The following NFKB1 variants were observed in gnomAD, a reference collection of about 807,000 sequenced individuals.
The protein encoded by NFKB1 is nuclear factor NF-kappa-B p105 subunit.
Under a neutral mutation model 105.1 loss-of-function variants are expected in NFKB1, and 9 were observed. The ratio of observed to expected loss-of-function variants is 0.09; its 90% CI spans 0.05 to 0.15. The LOEUF is 0.15. Among genes scored for constraint, NFKB1 ranks in the 10% least tolerant of loss-of-function variants. NFKB1 has a pLI of 1.00. For synonymous variants in NFKB1, 440 were observed against 442.2 expected, an observed-to-expected ratio of 1.00 and a Z score of 0.06; for missense variants, 830 against 1,203.7, an observed-to-expected ratio of 0.69 and a Z score of 4.59.
chr4:102,520,238 G>A (rs1311175876), intron 1 of NFKB1, among the ~76,000 whole-genome samples: 4 of 152,222 alleles, frequency 2.6e-5, no homozygotes, highest in African/African-American at 7.2e-5. Context: ...GTACCCATAA[G>A]TGTAGAATGG....
At chr4:102,547,898 A>G (rs1172751413) in intron 5 of NFKB1, among the ~76,000 whole-genome samples, 1 of 152,162 alleles carries the variant, frequency 6.6e-6, no homozygotes, top group Non-Finnish European at 1.5e-5. Flanking sequence ...GTAACACATG[A>G]TTTCTTATGA....
intron 1 of NFKB1, among the ~76,000 whole-genome samples, chr4:102,522,775 G>A (rs28673338): frequency 9.2e-5 from 14 of 152,104 alleles, no homozygotes; most frequent in Non-Finnish European, 1.8e-4. Flanking sequence ...GAAAGCTTAA[G>A]GGCAAAGATG....
intron 5 of NFKB1, among the ~76,000 whole-genome samples, chr4:102,539,757 T>C (rs1053795703): frequency 1.3e-5 from 2 of 152,184 alleles, no homozygotes; most frequent in Non-Finnish European, 2.9e-5. Flanking sequence ...TTATAATAAC[T>C]GGCCTTTCTC....
chr4:102,576,754 T>G (rs1724853112), intron 6 of NFKB1, 122 bp from the exon 7 acceptor site: 10 of 1,037,530 alleles, frequency 9.6e-6, no homozygotes, highest in Non-Finnish European at 1.3e-5. Context: ...CCCAAGAGAT[T>G]TGTATAAAGC....
chr4:102,599,117 G>T (rs1436152695), intron 15 of NFKB1, among the ~76,000 whole-genome samples: 1 of 152,196 alleles, frequency 6.6e-6, no homozygotes, highest in South Asian at 2.1e-4. Context: ...ATTCCCATAA[G>T]GGTGTGAGGA....
chr4:102,612,794 C>T (rs999965797), intron 22 of NFKB1, among the ~76,000 whole-genome samples, 188 bp downstream of exon 22: 2 of 152,174 alleles, frequency 1.3e-5, no homozygotes, highest in African/African-American at 4.8e-5. Context: ...TTTTCAGATA[C>T]CTTCAGATTT....
rs180776552 is a variant in NFKB1 at position 102,569,139 on chromosome 4, A to G, written c.407+2004A>G. Among the ~76,000 whole-genome samples the G allele has an allele frequency of 8.2e-4, 125 of 152,142 alleles. 1 individual carries two copies. Among genetic ancestry groups the G allele is most frequent in the African/African-American group, 2.8e-3 (116 of 41,514 alleles). On this transcript the variant is annotated intron_variant, in intron 6 of 23. Transcript: ENST00000226574. ...TTTCTTTCATAATTCATTTGTTTCT[A>G]TCTCTCTCTATATATACATTTTTAA...
intron 1 of NFKB1, among the ~76,000 whole-genome samples, chr4:102,506,582 T>C (rs1739430355): frequency 6.6e-6 from 1 of 152,244 alleles, no homozygotes; most frequent in African/African-American, 2.4e-5. Flanking sequence ...TTTTTAAAAG[T>C]TGGCCTTGAA....
intron 23 of NFKB1, 77 bp from the exon 24 acceptor site, chr4:102,616,357 G>A: frequency 6.6e-7 from 1 of 1,507,274 alleles, no homozygotes; most frequent in Admixed American, 1.7e-5. Flanking sequence ...CAGTGGGCAA[G>A]AGTTGTCCAC....
intron 6 of NFKB1, 118 bp from the exon 7 acceptor site, chr4:102,576,758 A>T (rs1372269800): frequency 9.3e-6 from 10 of 1,077,210 alleles, no homozygotes; most frequent in Non-Finnish European, 1.3e-5. Context: ...AGAGATTTGT[A>T]TAAAGCATTG....
intron 4 of NFKB1, among the ~76,000 whole-genome samples, chr4:102,534,764 A>G (rs1741534651): frequency 6.6e-6 from 1 of 152,154 alleles, no homozygotes; most frequent in Non-Finnish European, 1.5e-5. Context: ...TACCCAATAC[A>G]TTTTCTAAGT....
At position 102,508,137 on chromosome 4, in the gene NFKB1, A is replaced by G. The variant is rs1318443375; in HGVS notation, c.-8+6349A>G. 2.6e-5 allele frequency among the ~76,000 whole-genome samples: 4 copies of G among 152,228 alleles called. No homozygotes were observed. The South Asian group carries it at 6.2e-4, about 24-fold the overall frequency. ...CCTCTTTGTCTACCAGTTCTTAAGT[A>G]TAGGCTTATTTTGTAAGGCTTAAAC... On this transcript the variant is annotated intron_variant, in intron 1 of 23. Coordinates refer to ENST00000226574, the MANE Select transcript of NFKB1 (RefSeq NM_003998.4).
chr4:102,512,448 A>G (rs1739844014), intron 1 of NFKB1, among the ~76,000 whole-genome samples: 1 of 152,166 alleles, frequency 6.6e-6, no homozygotes, highest in Non-Finnish European at 1.5e-5. Flanking sequence ...TCCTGGTCCC[A>G]AGCTATCCTC....
intron 7 of NFKB1, 125 bp downstream of exon 7, chr4:102,577,164 G>A: frequency 1.0e-6 from 1 of 995,796 alleles, no homozygotes; most frequent in Non-Finnish European, 1.4e-6. Context: ...CCTTTTCCTT[G>A]CTCAGAAACC....
At chr4:102,509,862 T>C (rs540007883) in intron 1 of NFKB1, among the ~76,000 whole-genome samples, 69 of 152,344 alleles carry the variant, frequency 4.5e-4, no homozygotes, top group African/African-American at 1.5e-3. Flanking sequence ...AACCCATCGT[T>C]CATTTCGCAT....
At chr4:102,537,661 A>G (rs548507031) in intron 4 of NFKB1, 197 bp from the exon 5 acceptor site, 13 of 454,410 alleles carry the variant, frequency 2.9e-5, no homozygotes, top group African/African-American at 2.6e-4. Context: ...CTTAGTGTAC[A>G]AATATCAATT....
Position 102,584,737 on chromosome 4 carries a change from C to T in NFKB1, c.983C>T (p.Ala328Val), listed in dbSNP as rs1437539113. 3.7e-6 allele frequency: 6 copies of T among 1,612,456 alleles called. No homozygotes were observed. Among genetic ancestry groups the T allele is most frequent in the Non-Finnish European group, 5.1e-6 (6 of 1,179,030 alleles). ...KYKDINITKP[A>V]SVFVQLRRKS... ...AAAGATATTAATATTACAAAACCAG[C>T]CTCTGTGTTTGTCCAGCTTCGGAGG... Residue 328 changes from alanine to valine, a missense_variant, in exon 11 of 24, where the codon GCC becomes GTC. Coordinates refer to ENST00000226574, the MANE Select transcript of NFKB1 (RefSeq NM_003998.4).
rs537139932 is a variant in NFKB1 at position 102,502,704 on chromosome 4, TTAA to T, written c.-8+918_-8+920del. Reference sequence around the variant, plus strand: ...GTTTATCCTGAAACTCAAATGGGACTTAATGATACAGGATTTAATTATCAAGAT... The same window carrying T: ...GTTTATCCTGAAACTCAAATGGGACTTGATACAGGATTTAATTATCAAGAT... On this transcript the variant is annotated intron_variant, in intron 1 of 23. Transcript: ENST00000226574. Among the ~76,000 whole-genome samples the T allele has an allele frequency of 9.8e-5, 15 of 152,328 alleles. No homozygotes were observed. The South Asian group carries it at 3.1e-3, about 32-fold the overall frequency.
At chr4:102,570,220 G>C (rs1724215845) in intron 6 of NFKB1, among the ~76,000 whole-genome samples, 1 of 152,002 alleles carries the variant, frequency 6.6e-6, no homozygotes, top group Non-Finnish European at 1.5e-5. Flanking sequence ...ATACAGAGGA[G>C]AAACAAGGCC....
Sources: gnomAD v4.1 joint callset for allele counts (sites outside exome capture counted in the v4.1 genomes callset) on GRCh38, gnomAD v4.1.1 for gene constraint, MANE v1.5 for transcripts, NCBI Gene and HGNC (gene_info 2026-07-23, HGNC 2026-07-21) for gene names.